Variants in MCC observed in about 807,000 individuals in gnomAD.
MCC encodes colorectal mutant cancer protein.
Under a neutral mutation model 116.2 loss-of-function variants are expected in MCC, and 90 were observed. The ratio of observed to expected loss-of-function variants is 0.77; its 90% CI spans 0.65 to 0.92. The LOEUF is 0.92. Among genes scored for constraint, MCC ranks in the 40% least tolerant of loss-of-function variants. The pLI is 0.00. For synonymous variants in MCC, 578 were observed against 510.5 expected (o/e 1.13, Z -1.78); for missense variants, 1,516 against 1,312.2 (o/e 1.16, Z -2.40).
At chr5:113,181,431 G>A (rs76343610) in intron 3 of MCC, among the ~76,000 whole-genome samples, 7,329 of 152,292 alleles carry the variant, frequency 0.048, 247 homozygotes, top group Non-Finnish European at 0.059. Context: ...TAGGAAAATA[G>A]AAGACAACAT....
intron 5 of MCC, among the ~76,000 whole-genome samples, chr5:113,125,251 T>C (rs1441414255): frequency 1.3e-5 from 2 of 152,204 alleles, no homozygotes; most frequent in African/African-American, 4.8e-5. Context: ...GGAGTAAATG[T>C]TGCCAAGATC....
At chr5:113,231,728 T>C (rs1017308074) in intron 3 of MCC, among the ~76,000 whole-genome samples, 3 of 152,202 alleles carry the variant, frequency 2.0e-5, no homozygotes, top group Non-Finnish European at 2.9e-5. Flanking sequence ...AATTTGCCAA[T>C]GTGTCTGAAA....
chr5:113,475,867 G>A (rs975964199), intron 1 of MCC, among the ~76,000 whole-genome samples: 21 of 152,238 alleles, frequency 1.4e-4, no homozygotes, highest in African/African-American at 5.1e-4. Context: ...TGTATGGTGG[G>A]AAATACCCTC....
At chr5:113,293,215 T>A (rs1012553933) in intron 3 of MCC, among the ~76,000 whole-genome samples, 3 of 148,986 alleles carry the variant, frequency 2.0e-5, no homozygotes, top group African/African-American at 7.5e-5. Flanking sequence ...ATCCCCCCTC[T>A]TTCCCATCAC....
chr5:113,340,387 TG>T, intron 3 of MCC, 131 bp downstream of exon 3: 2 of 807,156 alleles, frequency 2.5e-6, no homozygotes, highest in Non-Finnish European at 2.0e-6. Context: ...CTGGCAATGC[TG>T]GAAATGGTAC....
intron 1 of MCC, among the ~76,000 whole-genome samples, chr5:113,473,306 T>C (rs1772144593): frequency 6.6e-6 from 1 of 152,064 alleles, no homozygotes; most frequent in Non-Finnish European, 1.5e-5. Flanking sequence ...GGAGGATCAC[T>C]TGAGTACAGG....
At chr5:113,478,744 G>A (rs771111997) in intron 1 of MCC, among the ~76,000 whole-genome samples, 17 of 152,282 alleles carry the variant, frequency 1.1e-4, no homozygotes, top group Middle Eastern at 3.4e-3. Flanking sequence ...CTTTAGATAA[G>A]AGGAATCTGT....
chr5:113,341,076 T>G (rs1443625176), intron 2 of MCC, among the ~76,000 whole-genome samples: 1 of 152,230 alleles, frequency 6.6e-6, no homozygotes, highest in Non-Finnish European at 1.5e-5. Flanking sequence ...GCCTTAGCAC[T>G]GGTCATTCTT....
chr5:113,169,001 T>C (rs1760923846), intron 3 of MCC, among the ~76,000 whole-genome samples: 1 of 152,094 alleles, frequency 6.6e-6, no homozygotes, highest in South Asian at 2.1e-4. Context: ...CAAACGGCTT[T>C]AAGACAAGCC....
intron 2 of MCC, among the ~76,000 whole-genome samples, chr5:113,380,054 T>C (rs1437120210): frequency 6.6e-6 from 1 of 152,242 alleles, no homozygotes; most frequent in Non-Finnish European, 1.5e-5. Flanking sequence ...TTAGGAGGAA[T>C]GAATCTATGG....
intron 1 of MCC, among the ~76,000 whole-genome samples, chr5:113,447,355 G>C (rs1345738355): frequency 2.0e-5 from 3 of 152,082 alleles, no homozygotes; most frequent in African/African-American, 7.2e-5. Flanking sequence ...ATTTTAAAAT[G>C]TTTACTTTTT....
In MCC at chr5:113,071,116, G is replaced by C; in HGVS notation, c.1903C>G (p.Leu635Val). ...VGKYESNATA[L>V]RLALQYSEQC... ...TACCTGTACTGCAAGGCCAGCCTCA[G>C]CGCTGTGGCATTGGATTCGTATTTT... Residue 635 changes from leucine (L) to valine (V), a missense_variant, in exon 12 of 19, where the codon CTG (leucine) becomes GTG (valine). Coordinates refer to ENST00000408903, the MANE Select transcript of MCC (RefSeq NM_001085377.2). The C allele has an allele frequency of 6.2e-7, 1 of 1,609,612 alleles. No individual in the cohort carries two copies. Among genetic ancestry groups the C allele is most frequent in the Non-Finnish European group, 8.5e-7 (1 of 1,178,504 alleles).
chr5:113,340,243 G>A (rs1767976715), intron 3 of MCC, among the ~76,000 whole-genome samples: 1 of 152,210 alleles, frequency 6.6e-6, no homozygotes, highest in African/African-American at 2.4e-5. Flanking sequence ...AGTTATGGAA[G>A]AGCTGTTGTG....
intron 3 of MCC, chr5:113,322,968 G>T (rs1767463893): frequency 6.6e-6 from 1 of 152,296 alleles, no homozygotes; most frequent in Non-Finnish European, 1.5e-5. Flanking sequence ...GACTTCTGAG[G>T]CTAGGTCATA....
chr5:113,143,370 A>G lies in MCC; in HGVS notation c.742-10T>C. 1 of 1,613,590 alleles carries G rather than the reference A, an allele frequency of 6.2e-7. No individual in the cohort carries two copies. The highest frequency in any genetic ancestry group is 1.3e-5 in the African/African-American group (1 of 75,038). On this transcript the variant is annotated splice_polypyrimidine_tract_variant and intron_variant, in intron 4 of 18. Coordinates refer to ENST00000408903, the MANE Select transcript of MCC (RefSeq NM_001085377.2). ...GGTGGGACTGCTCGCACTGGGAATA[A>G]GGGAAAAGGACAGAAGTGCTGATGA...
chr5:113,203,470 T>G (rs1362838751), intron 3 of MCC, among the ~76,000 whole-genome samples: 1 of 150,970 alleles, frequency 6.6e-6, no homozygotes, highest in Non-Finnish European at 1.5e-5. Flanking sequence ...CAATAAGAGC[T>G]TTCAGCACGG....
At chr5:113,386,290 C>G (rs1769252758) in intron 1 of MCC, among the ~76,000 whole-genome samples, 1 of 152,154 alleles carries the variant, frequency 6.6e-6, no homozygotes. Flanking sequence ...TTGCTGATAC[C>G]TGAAACCTAA....
intron 3 of MCC, among the ~76,000 whole-genome samples, chr5:113,216,851 C>T (rs1020089492): frequency 8.5e-5 from 13 of 152,238 alleles, no homozygotes; most frequent in Non-Finnish European, 2.9e-5. Flanking sequence ...GGTGCTCACT[C>T]TCAGTTGCCT....
At chr5:113,109,513 T>C (rs573588084) in intron 6 of MCC, among the ~76,000 whole-genome samples, 6 of 152,240 alleles carry the variant, frequency 3.9e-5, no homozygotes, top group South Asian at 2.1e-4. Context: ...TAGGGAGTTA[T>C]TGCTTAACGG....
Sources: allele counts gnomAD v4.1 joint callset (sites outside exome capture counted in the v4.1 genomes callset), GRCh38; gene constraint gnomAD v4.1.1; transcripts MANE v1.5; gene names NCBI Gene and HGNC (gene_info 2026-07-23, HGNC 2026-07-21).